Variants in RNF144B observed in about 807,000 individuals in gnomAD.
The protein encoded by RNF144B is E3 ubiquitin-protein ligase RNF144B.
A neutral mutation model predicts 40.2 loss-of-function variants in RNF144B; 25 were observed. The ratio of observed to expected loss-of-function variants is 0.62; its 90% CI spans 0.45 to 0.87. RNF144B has a LOEUF of 0.87. RNF144B is among the 40% of genes least tolerant of loss of function. RNF144B has a pLI of 0.00. For synonymous variants in RNF144B, 145 were observed against 136.3 expected (o/e 1.06, Z -0.44); for missense variants, 365 against 373.7 (o/e 0.98, Z 0.19).
intron 1 of RNF144B, among the ~76,000 whole-genome samples, chr6:18,389,775 C>T (rs1794545261): frequency 6.6e-6 from 1 of 152,202 alleles, no homozygotes; most frequent in Non-Finnish European, 1.5e-5. Flanking sequence ...CCAGACAAGT[C>T]ATGCTTTTCA....
rs1795018189 is a variant in RNF144B, at chr6:18,410,917, G to A, written c.165+11218G>A. On this transcript the variant is annotated intron_variant, in intron 2 of 7. Transcript: ENST00000259939. This position sits in a 1 kb window ranked among gnomAD's most constrained non-coding sequence, Gnocchi z 4.6. Reference sequence around the variant, plus strand: ...TGCCTGGAGTATTTAAATTATTTTTGTGCCCCAATTTCTCTTTTTTCCTAT... The same window carrying A: ...TGCCTGGAGTATTTAAATTATTTTTATGCCCCAATTTCTCTTTTTTCCTAT... Among the ~76,000 whole-genome samples the A allele has an allele frequency of 6.6e-6, 1 of 151,982 alleles. No individual in the cohort carries two copies. Among genetic ancestry groups the A allele is most frequent in the South Asian group, 2.1e-4 (1 of 4,818 alleles).
At chr6:18,462,457 C>T (rs67091740) in intron 6 of RNF144B, among the ~76,000 whole-genome samples, 2,654 of 152,290 alleles carry the variant, frequency 0.017, 37 homozygotes, top group Middle Eastern at 0.027. Flanking sequence ...TCGATCCAGT[C>T]TTAAATGCCT....
In RNF144B at chr6:18,457,871, A is replaced by C. The variant is rs1759364851; in HGVS notation, c.536+512A>C. ...CTCTCATGATATTTTATGCTCTGTA[A>C]AGGTTGAGATTTTATCGTGATAGGA... On this transcript the variant is annotated intron_variant, in intron 5 of 7. Transcript: ENST00000259939. The surrounding 1 kb of genome is among the most constrained non-coding windows in gnomAD (Gnocchi z 5.1). Among the ~76,000 whole-genome samples, 1 of 152,170 alleles carries C rather than the reference A, an allele frequency of 6.6e-6. No homozygotes were observed.
In RNF144B at chr6:18,443,481, G is replaced by A. The variant is rs369447871; in HGVS notation, c.331+3737G>A. ...TCGACATGTTGGTCAGGCTGGTCTC[G>A]AAGTCCTAACCTCAAGTGATCCACC... On this transcript the variant is annotated intron_variant, in intron 4 of 7. Coordinates refer to ENST00000259939, the MANE Select transcript of RNF144B (RefSeq NM_182757.4). The surrounding 1 kb of genome is among the most constrained non-coding windows in gnomAD (Gnocchi z 4.7). 2.6e-5 allele frequency among the ~76,000 whole-genome samples: 4 copies of A among 151,828 alleles called. No homozygotes were observed. In the East Asian group the frequency reaches 5.8e-4, roughly 22 times the overall value.
At chr6:18,403,221 T>C (rs796192846) in intron 2 of RNF144B, among the ~76,000 whole-genome samples, 2 of 152,354 alleles carry the variant, frequency 1.3e-5, no homozygotes, top group African/African-American at 4.8e-5. Flanking sequence ...TCAAGCGAAA[T>C]AAATTCACAA....
Position 18,434,608 on chromosome 6 carries a change from CTG to C in RNF144B, c.271-5075_271-5074del, listed in dbSNP as rs1285549876. On this transcript the variant is annotated intron_variant, in intron 3 of 7. Transcript: ENST00000259939. The surrounding 1 kb of genome is among the most constrained non-coding windows in gnomAD (Gnocchi z 4.1). ...GCAAAGACATTCAGCTGAGTAGGAA[CTG>C]AGTGTTTTTGTTTTGTTTGTTTGTT... 6.6e-6 allele frequency among the ~76,000 whole-genome samples: 1 copy of C among 151,356 alleles called. No homozygotes were observed. The highest frequency in any genetic ancestry group is 1.9e-4 in the East Asian group (1 of 5,168).
At chr6:18,411,482 TATA>T (rs1795037819) in intron 2 of RNF144B, among the ~76,000 whole-genome samples, 32 of 38,090 alleles carry the variant, frequency 8.4e-4, no homozygotes, top group South Asian at 2.5e-3. Flanking sequence ...TATATATATA[TATA>T]TATATATATA....
chr6:18,397,170 G>T (rs1794709227), intron 1 of RNF144B, among the ~76,000 whole-genome samples: 1 of 152,206 alleles, frequency 6.6e-6, no homozygotes, highest in Non-Finnish European at 1.5e-5. Flanking sequence ...GAAAGTGGAT[G>T]TGGACAGATT....
intron 3 of RNF144B, among the ~76,000 whole-genome samples, chr6:18,433,489 A>G (rs1323223627): frequency 6.6e-6 from 1 of 152,206 alleles, no homozygotes; most frequent in Non-Finnish European, 1.5e-5. Context: ...GCACATAGAA[A>G]ACTAAGCCAC....
At chr6:18,461,435 A>G (rs1759453365) in intron 6 of RNF144B, among the ~76,000 whole-genome samples, 1 of 152,210 alleles carries the variant, frequency 6.6e-6, no homozygotes, top group Non-Finnish European at 1.5e-5. Flanking sequence ...AGGTTTCACC[A>G]GAATATTAAT....
chr6:18,396,529 G>T, intron 1 of RNF144B: 1 of 985,316 alleles, frequency 1.0e-6, no homozygotes, highest in Non-Finnish European at 1.2e-6. Context: ...TCTCCACATG[G>T]CTAAGTGTAT....
In RNF144B at chr6:18,410,776, C is replaced by T. The variant is rs1795016058; in HGVS notation, c.165+11077C>T. ...GCGTCGGTACAGGATAGAGAATGGA[C>T]TGAAAGTGGGCAAGGCTGGAGCAGG... On this transcript the variant is annotated intron_variant, in intron 2 of 7. Coordinates refer to ENST00000259939, the MANE Select transcript of RNF144B (RefSeq NM_182757.4). This position sits in a 1 kb window ranked among gnomAD's most constrained non-coding sequence, Gnocchi z 4.6. Among the ~76,000 whole-genome samples the T allele has an allele frequency of 1.3e-5, 2 of 152,126 alleles. No individual in the cohort carries two copies. The highest frequency in any genetic ancestry group is 1.3e-4 in the Admixed American group (2 of 15,266).
rs1759028063 is a variant in RNF144B at position 18,444,176 on chromosome 6, A to G, written c.331+4432A>G. ...CGGAAAATATTTTGAATAGGATTGC[A>G]CAAAAATCATCCTCCTGCTTACACG... On this transcript the variant is annotated intron_variant, in intron 4 of 7. Transcript: ENST00000259939. The surrounding 1 kb of genome is among the most constrained non-coding windows in gnomAD (Gnocchi z 4.3). Among the ~76,000 whole-genome samples, 1 of 152,182 alleles carries G rather than the reference A, an allele frequency of 6.6e-6. No homozygotes were observed. Among genetic ancestry groups the G allele is most frequent in the Admixed American group, 6.5e-5 (1 of 15,276 alleles).
At chr6:18,417,361 G>T (rs1381325749) in intron 2 of RNF144B, among the ~76,000 whole-genome samples, 2 of 152,272 alleles carry the variant, frequency 1.3e-5, no homozygotes, top group East Asian at 3.9e-4. Context: ...TTGTGATACT[G>T]TCATGAGGAT....
rs1554182752 is a variant in RNF144B at position 18,467,408 on chromosome 6, T to TTTG, written c.*2343_*2344insGTT. The TTTG allele has an allele frequency of 6.8e-6, 1 of 146,574 alleles. No individual in the cohort carries two copies. Among genetic ancestry groups the TTTG allele is most frequent in the African/African-American group, 2.5e-5 (1 of 39,856 alleles). 9.1% of individuals were successfully genotyped at this position (146,574 alleles called of 1,614,324 possible). A position where few individuals can be genotyped will look rare whatever the true frequency, so the allele number is the denominator to read the frequency against. ...CTGAATTAGCTGCTTTTGTTTTTTT[T>TTTG]TTTTTTTTTTTGCCAGGGCTATGGA... On this transcript the variant is annotated 3_prime_UTR_variant, in exon 8 of 8. Transcript: ENST00000259939.
At position 18,416,326 on chromosome 6, in the gene RNF144B, G is replaced by A. The variant is rs1423291086; in HGVS notation, c.166-11255G>A. Reference sequence around the variant, plus strand: ...CAAATTGGAAGCAGATTTTTCCAACGCTAGTGCCAGTTCACTGCTCTGATT... The same window carrying A: ...CAAATTGGAAGCAGATTTTTCCAACACTAGTGCCAGTTCACTGCTCTGATT... On this transcript the variant is annotated intron_variant, in intron 2 of 7. Coordinates refer to ENST00000259939, the MANE Select transcript of RNF144B (RefSeq NM_182757.4). The surrounding 1 kb of genome is among the most constrained non-coding windows in gnomAD (Gnocchi z 5.5). 6.6e-6 allele frequency among the ~76,000 whole-genome samples: 1 copy of A among 152,198 alleles called. No homozygotes were observed. The highest frequency in any genetic ancestry group is 1.5e-5 in the Non-Finnish European group (1 of 68,042).
At chr6:18,431,447 C>T (rs1403620723) in intron 3 of RNF144B, among the ~76,000 whole-genome samples, 1 of 152,132 alleles carries the variant, frequency 6.6e-6, no homozygotes, top group Non-Finnish European at 1.5e-5. Context: ...GTACCACCTT[C>T]ATTTCTAACT....
In RNF144B at chr6:18,433,969, C is replaced by A. The variant is rs77166771; in HGVS notation, c.271-5715C>A. ...CTGGATTTTGCAAGTCATAGCATCCCCCAAATTGCCCAAACCTTGACAGGT... is the reference window on the plus strand; with the variant it reads ...CTGGATTTTGCAAGTCATAGCATCCACCAAATTGCCCAAACCTTGACAGGT... On this transcript the variant is annotated intron_variant, in intron 3 of 7. Transcript: ENST00000259939. 2.7e-3 allele frequency among the ~76,000 whole-genome samples: 411 copies of A among 152,264 alleles called. 3 individuals carry two copies. The highest frequency in any genetic ancestry group is 9.4e-3 in the African/African-American group (391 of 41,550).
intron 4 of RNF144B, among the ~76,000 whole-genome samples, chr6:18,455,351 A>T (rs1759302273): frequency 6.6e-6 from 1 of 152,254 alleles, no homozygotes. Context: ...ATGAAAACTT[A>T]TAACAAGATA....
Sources: allele counts gnomAD v4.1 joint callset (sites outside exome capture counted in the v4.1 genomes callset), GRCh38; gene constraint gnomAD v4.1.1; non-coding constraint Gnocchi (gnomAD v3.1); transcripts MANE v1.5; gene names NCBI Gene and HGNC (gene_info 2026-07-23, HGNC 2026-07-21).